MB21D2: variants seen among roughly 807,000 people sequenced by gnomAD.
MB21D2 encodes the protein nucleotidyltransferase MB21D2.
In MB21D2, 9 loss-of-function variants were observed where a neutral mutation model predicts 33.3. The ratio of observed to expected loss-of-function variants is 0.27; its 90% CI spans 0.16 to 0.47. The LOEUF is 0.47. MB21D2 is among the 20% of genes least tolerant of loss of function. MB21D2 has a pLI of 0.99. For missense variants in MB21D2, 540 were observed against 624.6 expected (o/e 0.86, Z 1.44); for synonymous variants, 241 against 236.3 (o/e 1.02, Z -0.18).
intron 1 of MB21D2, among the ~76,000 whole-genome samples, chr3:192,828,465 G>C (rs1393666214): frequency 2.0e-5 from 3 of 150,986 alleles, no homozygotes; most frequent in South Asian, 2.1e-4. Flanking sequence ...ACAAGACCTA[G>C]CAAGTCATTT....
At chr3:192,884,589 G>A (rs539622023) in intron 1 of MB21D2, among the ~76,000 whole-genome samples, 59 of 152,050 alleles carry the variant, frequency 3.9e-4, no homozygotes, top group Middle Eastern at 3.4e-3. Flanking sequence ...GGATGGTCTT[G>A]ATCTCCTGAC....
intron 1 of MB21D2, among the ~76,000 whole-genome samples, chr3:192,868,780 C>G (rs1038120671): frequency 1.3e-5 from 2 of 152,164 alleles, no homozygotes; most frequent in Admixed American, 6.5e-5. Flanking sequence ...GCAACTCTTT[C>G]ATACAATTCA....
At chr3:192,819,404 G>A (rs939448367) in intron 1 of MB21D2, among the ~76,000 whole-genome samples, 4 of 152,116 alleles carry the variant, frequency 2.6e-5, no homozygotes, top group African/African-American at 7.2e-5. Flanking sequence ...CTGGGCCTCC[G>A]GAGAAGCCCT....
At chr3:192,811,860 T>C (rs1306297935) in intron 1 of MB21D2, among the ~76,000 whole-genome samples, 1 of 152,126 alleles carries the variant, frequency 6.6e-6, no homozygotes, top group East Asian at 1.9e-4. Flanking sequence ...CAGACCTTAC[T>C]TATACATGAA....
chr3:192,861,578 G>A (rs111455408), intron 1 of MB21D2, among the ~76,000 whole-genome samples: 189 of 152,270 alleles, frequency 1.2e-3, no homozygotes, highest in African/African-American at 4.3e-3. Flanking sequence ...AGGCCAAGGC[G>A]GGTGAATCAC....
chr3:192,866,919 GA>G (rs138940769), intron 1 of MB21D2, among the ~76,000 whole-genome samples: 2,366 of 152,208 alleles, frequency 0.016, 57 homozygotes, highest in African/African-American at 0.053. Flanking sequence ...AGTCCTACAT[GA>G]GGAAAAGAAT....
intron 1 of MB21D2, among the ~76,000 whole-genome samples, chr3:192,848,101 A>T (rs529039441): frequency 2.6e-3 from 394 of 152,344 alleles, no homozygotes; most frequent in Non-Finnish European, 2.8e-3. Flanking sequence ...ACATATTTTA[A>T]AGTTATTTAA....
chr3:192,880,920 T>C (rs1044886222), intron 1 of MB21D2, among the ~76,000 whole-genome samples: 3 of 152,110 alleles, frequency 2.0e-5, no homozygotes, highest in African/African-American at 4.8e-5. Context: ...GAAAAATCAA[T>C]TGCAAGAAAA....
Position 192,798,045 on chromosome 3 carries a change from C to G in MB21D2, c.*341G>C, listed in dbSNP as rs764584191. 4.9e-6 allele frequency: 1 copy of G among 206,032 alleles called. No individual in the cohort carries two copies. Among genetic ancestry groups the G allele is most frequent in the African/African-American group, 2.3e-5 (1 of 43,002 alleles). 12.8% of individuals were successfully genotyped at this position (206,032 alleles called of 1,614,324 possible). On this transcript the variant is annotated 3_prime_UTR_variant, in exon 2 of 2. Transcript: ENST00000392452. This position sits in a 1 kb window ranked among gnomAD's most constrained non-coding sequence, Gnocchi z 4.8. ...CAGAAAGAGATTTGTTTCCCCATAC[C>G]CATGAACAAATTTGCACCAAGTATG...
chr3:192,872,501 G>A (rs1218687129), intron 1 of MB21D2, among the ~76,000 whole-genome samples: 6 of 151,498 alleles, frequency 4.0e-5, no homozygotes, highest in South Asian at 2.1e-4. Flanking sequence ...GCGTGAACCC[G>A]GGAGGCGGAG....
At chr3:192,894,957 C>T (rs759426695) in intron 1 of MB21D2, among the ~76,000 whole-genome samples, 15 of 152,160 alleles carry the variant, frequency 9.9e-5, no homozygotes, top group Non-Finnish European at 1.3e-4. Context: ...AGCACATTCC[C>T]GAGCTCGTCT....
At chr3:192,876,757 T>C (rs1461169156) in intron 1 of MB21D2, among the ~76,000 whole-genome samples, 2 of 152,172 alleles carry the variant, frequency 1.3e-5, no homozygotes, top group African/African-American at 4.8e-5. Flanking sequence ...ATATGTTCTC[T>C]GGCTACAGTG....
intron 1 of MB21D2, among the ~76,000 whole-genome samples, chr3:192,862,430 C>G (rs1222065135): frequency 1.3e-5 from 2 of 152,184 alleles, no homozygotes; most frequent in Non-Finnish European, 2.9e-5. Flanking sequence ...AATAATAATT[C>G]TCAGAAAGCT....
intron 1 of MB21D2, among the ~76,000 whole-genome samples, chr3:192,885,427 T>C (rs1189831094): frequency 6.6e-6 from 1 of 152,056 alleles, no homozygotes; most frequent in African/African-American, 2.4e-5. Flanking sequence ...AAATATCAAA[T>C]TTGTGACCTT....
intron 1 of MB21D2, among the ~76,000 whole-genome samples, chr3:192,913,870 C>T (rs914559147): frequency 2.0e-5 from 3 of 152,034 alleles, no homozygotes; most frequent in African/African-American, 7.3e-5. Flanking sequence ...ACAAAGCCAA[C>T]AAGAGGCAGA....
intron 1 of MB21D2, among the ~76,000 whole-genome samples, chr3:192,900,626 G>A (rs1218119398): frequency 6.6e-6 from 1 of 151,528 alleles, no homozygotes; most frequent in African/African-American, 2.4e-5. Flanking sequence ...GCTCCCTATT[G>A]TATTCCTATG....
chr3:192,846,525 C>T (rs1712683464), intron 1 of MB21D2, among the ~76,000 whole-genome samples: 1 of 152,142 alleles, frequency 6.6e-6, no homozygotes, highest in African/African-American at 2.4e-5. Context: ...AACAAATCCA[C>T]CCCACAGGGT....
At chr3:192,875,573 T>C (rs1713412302) in intron 1 of MB21D2, among the ~76,000 whole-genome samples, 2 of 152,206 alleles carry the variant, frequency 1.3e-5, no homozygotes, top group South Asian at 4.1e-4. Context: ...AAAGAAAATA[T>C]TTTGTGTCCC....
At chr3:192,891,592 T>TA (rs1336622873) in intron 1 of MB21D2, among the ~76,000 whole-genome samples, 2 of 152,102 alleles carry the variant, frequency 1.3e-5, no homozygotes, top group African/African-American at 4.8e-5. Flanking sequence ...CCAAATGAGG[T>TA]TCTAGATGAC....
Sources: gnomAD v4.1 joint callset for allele counts (sites outside exome capture counted in the v4.1 genomes callset) on GRCh38, gnomAD v4.1.1 for gene constraint, Gnocchi (gnomAD v3.1) non-coding constraint, MANE v1.5 for transcripts, NCBI Gene and HGNC (gene_info 2026-07-23, HGNC 2026-07-21) for gene names.